The following SLC26A5 variants were observed in gnomAD, a reference collection of about 807,000 sequenced individuals.
SLC26A5 encodes the protein prestin.
In SLC26A5, 51 loss-of-function variants were observed where a neutral mutation model predicts 81.0. That is an observed-to-expected ratio of 0.63 (90% CI 0.50 to 0.80). The LOEUF (loss-of-function observed/expected upper bound fraction) is 0.80, where lower values mean the gene tolerates loss of function less well. SLC26A5 is among the 30% of genes least tolerant of loss of function. SLC26A5 has a pLI of 0.00. For missense variants in SLC26A5, 771 were observed against 905.8 expected, an observed-to-expected ratio of 0.85 and a Z score of 1.91; for synonymous variants, 325 against 332.8, an observed-to-expected ratio of 0.98 and a Z score of 0.25.
chr7:103,434,692 C>T (rs1328535676), intron 2 of SLC26A5, among the ~76,000 whole-genome samples: 3 of 152,008 alleles, frequency 2.0e-5, no homozygotes, highest in Non-Finnish European at 4.4e-5. Context: ...CACTCTATTG[C>T]CCAGGCTGGA....
At chr7:103,438,041 C>T (rs1291193855) in intron 2 of SLC26A5, among the ~76,000 whole-genome samples, 1 of 152,120 alleles carries the variant, frequency 6.6e-6, no homozygotes, top group Non-Finnish European at 1.5e-5. Flanking sequence ...TGATGGAAAT[C>T]ATAACTGTGA....
chr7:103,425,467 G>C (rs1825650733), intron 2 of SLC26A5, among the ~76,000 whole-genome samples: 1 of 152,062 alleles, frequency 6.6e-6, no homozygotes, highest in African/African-American at 2.4e-5. Context: ...CTTAGAATCT[G>C]AGAGAGAGAG....
intron 19 of SLC26A5, chr7:103,364,431 C>CAA: frequency 9.1e-7 from 1 of 1,104,848 alleles, no homozygotes; most frequent in Non-Finnish European, 1.3e-6. Context: ...TTTGTTGAGA[C>CAA]AGAGTCTCAT....
intron 2 of SLC26A5, among the ~76,000 whole-genome samples, chr7:103,432,972 A>G (rs113930742): frequency 5.9e-5 from 9 of 152,194 alleles, no homozygotes; most frequent in Non-Finnish European, 1.2e-4. Flanking sequence ...TGAATGAGGC[A>G]CAGGCCCAGG....
At chr7:103,398,391 C>T (rs952126885) in intron 8 of SLC26A5, among the ~76,000 whole-genome samples, 6 of 152,138 alleles carry the variant, frequency 3.9e-5, no homozygotes, top group African/African-American at 1.2e-4. Context: ...CTCTGTACTT[C>T]GAGGGTGGTA....
intron 7 of SLC26A5, among the ~76,000 whole-genome samples, chr7:103,409,879 T>G (rs1824344702): frequency 6.6e-6 from 1 of 152,192 alleles, no homozygotes; most frequent in Non-Finnish European, 1.5e-5. Flanking sequence ...GGCTAATTTT[T>G]TTCTATTTTT....
In SLC26A5 at chr7:103,421,519, C is replaced by T; in HGVS notation, c.-5G>A. On this transcript the variant is annotated 5_prime_UTR_variant, in exon 3 of 20. Coordinates refer to ENST00000306312, the MANE Select transcript of SLC26A5 (RefSeq NM_198999.3). ...ATTTTCTTCAGCATGATCCATAGTA[C>T]TCTGAAATTATTCCTTAACAGCCGG... is the stretch of plus-strand genomic sequence containing the variant. 1.2e-6 allele frequency: 2 copies of T among 1,613,854 alleles called. No homozygotes were observed. The highest frequency in any genetic ancestry group is 1.7e-6 in the Non-Finnish European group (2 of 1,179,870).
intron 8 of SLC26A5, among the ~76,000 whole-genome samples, chr7:103,398,395 G>A (rs1329743431): frequency 2.6e-5 from 4 of 152,106 alleles, no homozygotes; most frequent in Non-Finnish European, 5.9e-5. Flanking sequence ...GTACTTCGAG[G>A]GTGGTACAAT....
At chr7:103,370,039 G>A (rs948846611), downstream of SLC26A5, among the ~76,000 whole-genome samples, 3 of 152,262 alleles carry the variant, frequency 2.0e-5, no homozygotes, top group Non-Finnish European at 4.4e-5. Context: ...AACTTTTACC[G>A]TTGTGTTGCT....
chr7:103,369,008 A>C (rs961097976), intron 19 of SLC26A5: 2 of 152,170 alleles, frequency 1.3e-5, no homozygotes, highest in Non-Finnish European at 2.9e-5. Flanking sequence ...CAATGCCAAG[A>C]CCAAAGCACA....
At chr7:103,445,641 C>G (rs1384888938) in intron 1 of SLC26A5, 2 of 152,180 alleles carry the variant, frequency 1.3e-5, no homozygotes, top group African/African-American at 4.8e-5. Context: ...CGGCCAATGC[C>G]GGGCAAGCCC....
chr7:103,411,500 C>T lies in SLC26A5; in HGVS notation c.490G>A (p.Ala164Thr), dbSNP rs1824482391. 1 of 1,614,186 alleles carries T rather than the reference C, an allele frequency of 6.2e-7. No homozygotes were observed. Among genetic ancestry groups the T allele is most frequent in the Non-Finnish European group, 8.5e-7 (1 of 1,180,028 alleles). The change falls in exon 6 of 20, where the codon GCA becomes ACA. Residue 164 changes from alanine to threonine, a missense_variant. By Grantham distance (58) the Ala-to-Thr change is moderately conservative (BLOSUM62 0). Transcript: ENST00000306312. Reference protein sequence around the residue: ...DDIVIPGGVNATNGTEARDAL... With the variant: ...DDIVIPGGVNTTNGTEARDAL... ...TCTCTGGCCTCTGTGCCATTGGTTG[C>T]ATTTACTCCTCCTGGAATGACTATA...
chr7:103,382,615 G>T (rs1406935347), intron 14 of SLC26A5, among the ~76,000 whole-genome samples: 1 of 151,996 alleles, frequency 6.6e-6, no homozygotes, highest in Non-Finnish European at 1.5e-5. Context: ...CTCCCAAAGT[G>T]CCAGGATTAC....
intron 5 of SLC26A5, 85 bp from the exon 6 acceptor site, chr7:103,411,671 A>T: frequency 6.8e-7 from 1 of 1,463,276 alleles, no homozygotes; most frequent in Admixed American, 1.7e-5. Context: ...GACAAAGGTG[A>T]GGTCAAGAAA....
Position 103,412,984 on chromosome 7 carries a change from T to C in SLC26A5, c.403+18A>G, listed in dbSNP as rs1019351878. 1 of 1,484,240 alleles carries C rather than the reference T, an allele frequency of 6.7e-7. No individual in the cohort carries two copies. The highest frequency in any genetic ancestry group is 1.4e-5 in the African/African-American group (1 of 72,086). The allele number at this position is 1,484,240 out of a possible 1,614,324, so 91.9% of individuals were successfully genotyped here. ...ATACACAAGGAAAGGTAATAGAATA[T>C]CAAATGTAAGCTTTTACCTATGGAT... On this transcript the variant is annotated intron_variant, in intron 5 of 19. Coordinates refer to ENST00000306312, the MANE Select transcript of SLC26A5 (RefSeq NM_198999.3).
intron 2 of SLC26A5, among the ~76,000 whole-genome samples, chr7:103,438,266 A>C (rs1826610659): frequency 6.6e-6 from 1 of 152,226 alleles, no homozygotes; most frequent in Admixed American, 6.5e-5. Flanking sequence ...TGATTTAATA[A>C]TTCTCCATTG....
intron 8 of SLC26A5, among the ~76,000 whole-genome samples, chr7:103,407,565 C>T (rs1824151917): frequency 6.6e-6 from 1 of 152,050 alleles, no homozygotes; most frequent in African/African-American, 2.4e-5. Flanking sequence ...AACAATTAGC[C>T]AATAAAAATT....
At chr7:103,413,248 A>G (rs1824650628) in intron 4 of SLC26A5, 136 bp from the exon 5 acceptor site, 7 of 689,756 alleles carry the variant, frequency 1.0e-5, no homozygotes, top group South Asian at 7.7e-5. Context: ...GCCCTACCCC[A>G]GTCCTGCACA....
chr7:103,391,693 A>G lies in SLC26A5; in HGVS notation c.1162T>C (p.Phe388Leu). 1.2e-6 allele frequency: 2 copies of G among 1,614,190 alleles called. No homozygotes were observed. Among genetic ancestry groups the G allele is most frequent in the Non-Finnish European group, 1.7e-6 (2 of 1,180,028 alleles). Residue 388 changes from phenylalanine (F) to leucine (L), a missense_variant, in exon 11 of 20, where the codon TTC (phenylalanine) becomes CTC (leucine). Physicochemically the swap from Phe to Leu is conservative, Grantham distance 22. Coordinates refer to ENST00000306312, the MANE Select transcript of SLC26A5 (RefSeq NM_198999.3). ...LGLCNSIGSL[F>L]QTFSISCSLS... ...GAGCATGAAATTGAAAAGGTCTGGA[A>G]GAGTGAGCCAATGGAATTGCACAGT...
Sources: gnomAD v4.1 joint callset for allele counts (sites outside exome capture counted in the v4.1 genomes callset) on GRCh38, gnomAD v4.1.1 for gene constraint, MANE v1.5 for transcripts, NCBI Gene and HGNC (gene_info 2026-07-23, HGNC 2026-07-21) for gene names.